GAD2: variants seen among roughly 807,000 people sequenced by gnomAD.
GAD2 encodes the protein glutamate decarboxylase 2, also known as 65 kDa glutamic acid decarboxylase.
GAD2 carries 22 observed loss-of-function variants against 80.1 expected under a neutral mutation model. The observed-to-expected ratio is 0.27, with a 90% CI of 0.20 to 0.39. The LOEUF (loss-of-function observed/expected upper bound fraction) is 0.39, where lower values mean the gene tolerates loss of function less well. GAD2 is among the 10% of genes least tolerant of loss of function. GAD2 has a pLI of 1.00. For missense variants in GAD2, 624 were observed against 738.4 expected (o/e 0.85, Z 1.80); for synonymous variants, 274 against 256.9 (o/e 1.07, Z -0.64).
At chr10:26,281,871 A>G (rs989446802) in intron 12 of GAD2, among the ~76,000 whole-genome samples, 3 of 152,148 alleles carry the variant, frequency 2.0e-5, no homozygotes, top group Non-Finnish European at 2.9e-5. Context: ...GATGATCCCC[A>G]TTCAATTTTA....
chr10:26,290,428 G>A (rs1834201426), intron 13 of GAD2, among the ~76,000 whole-genome samples: 2 of 152,216 alleles, frequency 1.3e-5, no homozygotes, highest in African/African-American at 4.8e-5. Flanking sequence ...GGTAGAAGAA[G>A]TAGGATTTCA....
intron 8 of GAD2, among the ~76,000 whole-genome samples, chr10:26,247,840 G>T (rs1057197992): frequency 5.7e-5 from 8 of 140,292 alleles, no homozygotes; most frequent in Admixed American, 4.7e-4. Flanking sequence ...AGGTTGCAGT[G>T]AGCCGAGATC....
At chr10:26,273,907 GAA>G (rs1238224816) in intron 11 of GAD2, among the ~76,000 whole-genome samples, 1 of 152,050 alleles carries the variant, frequency 6.6e-6, no homozygotes, top group African/African-American at 2.4e-5. Context: ...GTAAACAACA[GAA>G]AAATCAGAAT....
intron 6 of GAD2, among the ~76,000 whole-genome samples, chr10:26,227,487 G>A (rs1844543116): frequency 6.6e-6 from 1 of 152,226 alleles, no homozygotes; most frequent in Non-Finnish European, 1.5e-5. Flanking sequence ...TGCACATGAA[G>A]AGCACTTTCT....
rs148933227 is a variant in GAD2 at position 26,249,073 on chromosome 10, C to T, written c.920+3073C>T. ...GAAAAGAAATTGCCTCTTTTTTTGGCGGGGGAGGGGATGGAGTCTCGCTCT... is the reference window on the plus strand; with the variant it reads ...GAAAAGAAATTGCCTCTTTTTTTGGTGGGGGAGGGGATGGAGTCTCGCTCT... On this transcript the variant is annotated intron_variant, in intron 8 of 15. Transcript: ENST00000376261. Among the ~76,000 whole-genome samples, 616 of 151,870 alleles carry T rather than the reference C, an allele frequency of 4.1e-3. 2 individuals carry two copies. The highest frequency in any genetic ancestry group is 0.014 in the African/African-American group (598 of 41,414).
At chr10:26,270,516 CT>C in intron 9 of GAD2, 123 bp from the exon 10 acceptor site, 1 of 750,692 alleles carries the variant, frequency 1.3e-6, no homozygotes, top group Non-Finnish European at 2.4e-6. Context: ...GTCAGTAACT[CT>C]GCTGCTGCTT....
At chr10:26,246,783 C>T (rs7897355) in intron 8 of GAD2, among the ~76,000 whole-genome samples, 3,774 of 152,190 alleles carry the variant, frequency 0.025, 167 homozygotes, top group African/African-American at 0.086. Context: ...GAGGCAGTGT[C>T]GTCAGAAGGA....
At chr10:26,292,726 G>A (rs962341335) in intron 14 of GAD2, among the ~76,000 whole-genome samples, 154 bp downstream of exon 14, 2 of 152,196 alleles carry the variant, frequency 1.3e-5, no homozygotes, top group African/African-American at 2.4e-5. Context: ...GAATAAAGAC[G>A]AAACTCTCAA....
chr10:26,243,805 A>G (rs1248941942), intron 7 of GAD2, among the ~76,000 whole-genome samples: 2 of 152,202 alleles, frequency 1.3e-5, no homozygotes, highest in Non-Finnish European at 2.9e-5. Flanking sequence ...TTGTCCTCTT[A>G]CCTGAGTTTA....
At chr10:26,236,162 G>T (rs1203196440) in intron 7 of GAD2, among the ~76,000 whole-genome samples, 1 of 152,130 alleles carries the variant, frequency 6.6e-6, no homozygotes, top group African/African-American at 2.4e-5. Flanking sequence ...TACCCAGGCT[G>T]GAGTACAGTG....
chr10:26,277,243 G>A (rs1184231107), intron 11 of GAD2, among the ~76,000 whole-genome samples: 1 of 152,208 alleles, frequency 6.6e-6, no homozygotes, highest in East Asian at 1.9e-4. Context: ...GTTCAAACCC[G>A]TTTGGTTGGA....
intron 8 of GAD2, among the ~76,000 whole-genome samples, chr10:26,251,612 G>A (rs772640529): frequency 2.0e-5 from 3 of 152,116 alleles, no homozygotes; most frequent in South Asian, 2.1e-4. Context: ...TTCAGTGAAC[G>A]TCCTTATGCA....
At chr10:26,297,772 A>G (rs973209881) in intron 15 of GAD2, among the ~76,000 whole-genome samples, 1 of 152,204 alleles carries the variant, frequency 6.6e-6, no homozygotes, top group Admixed American at 6.5e-5. Flanking sequence ...CCTCTCTTCC[A>G]AGAGAGGAAG....
intron 8 of GAD2, among the ~76,000 whole-genome samples, chr10:26,256,982 T>C (rs899819052): frequency 2.6e-5 from 4 of 152,262 alleles, no homozygotes; most frequent in African/African-American, 9.6e-5. Flanking sequence ...TCTGTATTTA[T>C]TAGTCCTTTC....
At chr10:26,292,757 C>A in intron 14 of GAD2, 145 bp from the exon 15 acceptor site, 1 of 867,742 alleles carries the variant, frequency 1.2e-6, no homozygotes, top group Non-Finnish European at 1.9e-6. Context: ...ATAACGTTGT[C>A]AAAATCATGC....
chr10:26,252,727 T>C (rs746175833), intron 8 of GAD2, among the ~76,000 whole-genome samples: 17 of 151,108 alleles, frequency 1.1e-4, no homozygotes, highest in Non-Finnish European at 1.9e-4. Flanking sequence ...GGCGCAACCT[T>C]GGCTCACTAC....
chr10:26,229,574 C>A, intron 6 of GAD2, 88 bp from the exon 7 acceptor site: 1 of 903,114 alleles, frequency 1.1e-6, no homozygotes, highest in Non-Finnish European at 1.8e-6. Flanking sequence ...CCAAGGAGGA[C>A]TCAGGTCAGT....
intron 9 of GAD2, among the ~76,000 whole-genome samples, chr10:26,269,807 C>G (rs1023967856): frequency 5.9e-5 from 9 of 152,206 alleles, no homozygotes; most frequent in Admixed American, 2.0e-4. Flanking sequence ...ATTAGGAACT[C>G]AGAAATAATG....
chr10:26,221,812 G>A (rs1844455713), intron 4 of GAD2, among the ~76,000 whole-genome samples: 1 of 152,220 alleles, frequency 6.6e-6, no homozygotes, highest in African/African-American at 2.4e-5. Context: ...CCACCCAATG[G>A]CTGACGCAGT....
Sources: gnomAD v4.1 joint callset for allele counts (sites outside exome capture counted in the v4.1 genomes callset) on GRCh38, gnomAD v4.1.1 for gene constraint, MANE v1.5 for transcripts, NCBI Gene and HGNC (gene_info 2026-07-23, HGNC 2026-07-21) for gene names.